Variants in BMP1 observed in about 807,000 individuals in gnomAD.
BMP1 encodes the protein mammalian tolloid protein.
In BMP1, 63 loss-of-function variants were observed where a neutral mutation model predicts 116.8. The observed-to-expected ratio is 0.54, with a 90% CI of 0.44 to 0.67. The LOEUF (loss-of-function observed/expected upper bound fraction) is 0.67, where lower values mean the gene tolerates loss of function less well. Ranked by LOEUF, BMP1 falls within the 30% of genes least tolerant of loss-of-function variation. The probability of loss-of-function intolerance (pLI) is 0.00; values close to 1 mark genes in which losing one functional copy is unlikely to be tolerated. For missense variants in BMP1, 1,183 were observed against 1,358.9 expected (o/e 0.87, Z 2.04); for synonymous variants, 536 against 533.4 (o/e 1.00, Z -0.07).
chr8:22,186,921 A>C (rs896241438), intron 8 of BMP1, among the ~76,000 whole-genome samples: 19 of 152,252 alleles, frequency 1.2e-4, no homozygotes, highest in Admixed American at 5.9e-4. Context: ...TCCCTGGAGT[A>C]GTACCTATCA....
intron 15 of BMP1, chr8:22,200,992 C>CCCCCCCCCCCCCCCCCCCAA: frequency 3.4e-6 from 1 of 293,644 alleles, no homozygotes; most frequent in South Asian, 2.7e-5. Context: ...CCTGCCCTCC[C>CCCCCCCCCCCCCCCCCCCAA]GCCCCACCCT....
At chr8:22,202,050 C>T in intron 16 of BMP1, 122 bp downstream of exon 16, 3 of 1,360,044 alleles carry the variant, frequency 2.2e-6, no homozygotes, top group Non-Finnish European at 2.9e-6. Context: ...TCTAAGGCCC[C>T]CTCATTCCCC....
At position 22,197,323 on chromosome 8, in the gene BMP1, G is replaced by A. The variant is rs1309123739; in HGVS notation, c.2010G>A (p.Lys670=). The A allele has an allele frequency of 1.2e-6, 2 of 1,613,944 alleles. No individual in the cohort carries two copies. Among genetic ancestry groups the A allele is most frequent in the South Asian group, 2.2e-5 (2 of 91,088 alleles). Residue 670 remains lysine (K), a synonymous_variant, in exon 15 of 20, where the codon AAG becomes AAA. Coordinates refer to ENST00000306385, the MANE Select transcript of BMP1 (RefSeq NM_006129.5). The part of the protein sequence containing the change: ...KLHGKFCGSE[K]PEVITSQYNN... ...ATGGCAAGTTCTGTGGTTCTGAGAA[G>A]CCCGAGGTCATCACCTCCCAGTACA... is the stretch of plus-strand genomic sequence containing the variant.
intron 9 of BMP1, among the ~76,000 whole-genome samples, chr8:22,192,657 C>T (rs891193162): frequency 6.6e-5 from 10 of 152,218 alleles, no homozygotes; most frequent in Admixed American, 5.9e-4. Context: ...GTGGCCCGAC[C>T]TTGTCTGCAT....
chr8:22,180,146 G>T (rs1475820717), intron 7 of BMP1, among the ~76,000 whole-genome samples: 1 of 151,966 alleles, frequency 6.6e-6, no homozygotes, highest in Non-Finnish European at 1.5e-5. Flanking sequence ...AACCCATATT[G>T]CCTTCACAAA....
intron 15 of BMP1, chr8:22,201,526 C>T (rs1586469494): frequency 2.1e-6 from 3 of 1,410,096 alleles, no homozygotes; most frequent in South Asian, 3.1e-5. Flanking sequence ...TCCATCTGTC[C>T]AGTAAGCAGG....
chr8:22,197,132 A>G, intron 14 of BMP1, 108 bp from the exon 15 acceptor site: 1 of 1,408,848 alleles, frequency 7.1e-7, no homozygotes, highest in Middle Eastern at 2.5e-4. Context: ...GAGGGGGCGT[A>G]GCTAAGTCAA....
In BMP1 at chr8:22,177,834, T is replaced by C; in HGVS notation, c.731-18T>C. On this transcript the variant is annotated intron_variant, in intron 5 of 19. Transcript: ENST00000306385. ...CACCCCCTCCTCTCCCCCCACACCC[T>C]TTTCCTGATCTTGGCAGGGCAGGAG... The C allele has an allele frequency of 7.0e-7, 1 of 1,426,606 alleles. No homozygotes were observed. Among genetic ancestry groups the C allele is most frequent in the Non-Finnish European group, 9.8e-7 (1 of 1,016,048 alleles). The allele number at this position is 1,426,606 out of a possible 1,614,324, so 88.4% of individuals were successfully genotyped here.
rs1396605251 is a variant in BMP1 at position 22,199,226 on chromosome 8, G to T, written c.2107+1806G>T. ...CCCCCACTGGGGGCATCGAGGCTCA[G>T]CCCTCAGGGCCCGGGGCATCTGACT... On this transcript the variant is annotated intron_variant, in intron 15 of 19. Transcript: ENST00000306385. 2.2e-6 allele frequency: 3 copies of T among 1,367,590 alleles called. No homozygotes were observed. In the Admixed American group the frequency reaches 5.7e-5, roughly 26 times the overall value. The allele number at this position is 1,367,590 out of a possible 1,614,324, so 84.7% of individuals were successfully genotyped here.
chr8:22,185,257 G>C (rs1231633265), intron 8 of BMP1, among the ~76,000 whole-genome samples: 1 of 152,094 alleles, frequency 6.6e-6, no homozygotes, highest in Non-Finnish European at 1.5e-5. Context: ...TTTGAGACCA[G>C]CCTGGCCAAC....
chr8:22,192,325 C>A (rs1376747818), intron 9 of BMP1, 174 bp downstream of exon 9: 8 of 567,068 alleles, frequency 1.4e-5, no homozygotes, highest in Non-Finnish European at 2.2e-5. Flanking sequence ...TCACTTGCTG[C>A]GAGACTTCAG....
At chr8:22,172,991 C>T in intron 1 of BMP1, among the ~76,000 whole-genome samples, 1 of 152,144 alleles carries the variant, frequency 6.6e-6, no homozygotes, top group East Asian at 1.9e-4. Flanking sequence ...GCTCAGCACA[C>T]CCTGTTTTAT....
chr8:22,171,346 G>A (rs946966567), intron 1 of BMP1: 1 of 152,248 alleles, frequency 6.6e-6, no homozygotes, highest in African/African-American at 2.4e-5. Context: ...CAAGAGCATG[G>A]TGTGGAGTGT....
At chr8:22,172,345 A>G (rs1271161912) in intron 1 of BMP1, among the ~76,000 whole-genome samples, 1 of 152,006 alleles carries the variant, frequency 6.6e-6, no homozygotes, top group Non-Finnish European at 1.5e-5. Context: ...CCTTTTCTCC[A>G]GACTTCTCAA....
chr8:22,206,263 A>G (rs1352052902), intron 16 of BMP1, among the ~76,000 whole-genome samples: 2 of 152,238 alleles, frequency 1.3e-5, no homozygotes, highest in Admixed American at 6.5e-5. Flanking sequence ...GCACTTTGGG[A>G]GGCCAAGGTG....
chr8:22,186,522 C>T (rs75087259), intron 8 of BMP1, among the ~76,000 whole-genome samples: 1 of 152,148 alleles, frequency 6.6e-6, no homozygotes, highest in East Asian at 1.9e-4. Context: ...GGCTGGAGTG[C>T]AGTGGCATGA....
At chr8:22,199,242 G>T in intron 15 of BMP1, 1 of 1,367,600 alleles carries the variant, frequency 7.3e-7, no homozygotes. Flanking sequence ...AGGGCCCGGG[G>T]CATCTGACTC....
intron 8 of BMP1, among the ~76,000 whole-genome samples, chr8:22,189,871 G>A (rs928381106): frequency 6.6e-6 from 1 of 152,092 alleles, no homozygotes; most frequent in African/African-American, 2.4e-5. Context: ...AATAACTTTT[G>A]ATGATGATAA....
Position 22,177,946 on chromosome 8 carries a change from C to A in BMP1, c.825C>A (p.Asn275Lys). 6.2e-7 allele frequency: 1 copy of A among 1,610,088 alleles called. No homozygotes were observed. The highest frequency in any genetic ancestry group is 8.5e-7 in the Non-Finnish European group (1 of 1,176,898). Residue 275 changes from asparagine (N) to lysine (K), a missense_variant, in exon 6 of 20, where the codon AAC becomes AAA. Asn to Lys is a moderately conservative substitution (Grantham distance 94). Coordinates refer to ENST00000306385, the MANE Select transcript of BMP1 (RefSeq NM_006129.5). ...ACAGCATCATGCATTACGCTCGGAACACATTCTCCAGGTGGGAGACGGGAT... is the reference window on the plus strand; with the variant it reads ...ACAGCATCATGCATTACGCTCGGAAAACATTCTCCAGGTGGGAGACGGGAT... Reference protein sequence around the residue: ...DFDSIMHYARNTFSRGIFLDT... With the variant: ...DFDSIMHYARKTFSRGIFLDT...
Sources: allele counts gnomAD v4.1 joint callset (sites outside exome capture counted in the v4.1 genomes callset), GRCh38; gene constraint gnomAD v4.1.1; transcripts MANE v1.5; gene names NCBI Gene and HGNC (gene_info 2026-07-23, HGNC 2026-07-21).